The following KLKB1 variants were observed in gnomAD, a reference collection of about 807,000 sequenced individuals.
The protein encoded by KLKB1 is plasma kallikrein.
KLKB1 carries 58 observed loss-of-function variants against 73.6 expected under a neutral mutation model. That is an observed-to-expected ratio of 0.79 (90% CI 0.64 to 0.98). KLKB1 has a LOEUF of 0.98. Ranked by LOEUF, KLKB1 falls within the 50% of genes least tolerant of loss-of-function variation. The probability of loss-of-function intolerance (pLI) is 0.00; values close to 1 mark genes in which losing one functional copy is unlikely to be tolerated. For missense variants in KLKB1, 737 were observed against 763.8 expected, an observed-to-expected ratio of 0.96 and a Z score of 0.41; for synonymous variants, 280 against 258.1, an observed-to-expected ratio of 1.08 and a Z score of -0.81.
rs753653237 is a variant in KLKB1, at chr4:186,233,992, C to A, written c.262C>A (p.Pro88Thr). The change falls in exon 4 of 15, where the codon CCA becomes ACA. Residue 88 changes from proline to threonine, a missense_variant. Coordinates refer to ENST00000264690, the MANE Select transcript of KLKB1 (RefSeq NM_000892.5). ...FLKDSVTGTL[P>T]KVHRTGAVSG... Reference sequence around the variant, plus strand: ...GAAAGATAGTGTTACAGGAACCCTGCCAAAAGTACATCGAACAGGTGCAGT... The same window carrying A: ...GAAAGATAGTGTTACAGGAACCCTGACAAAAGTACATCGAACAGGTGCAGT... 2 of 1,614,004 alleles carry A rather than the reference C, an allele frequency of 1.2e-6. No individual in the cohort carries two copies. The highest frequency in any genetic ancestry group is 1.7e-5 in the Admixed American group (1 of 60,024).
upstream of KLKB1, among the ~76,000 whole-genome samples, chr4:186,225,006 C>G (rs74983441): frequency 1.3e-5 from 2 of 152,244 alleles, no homozygotes; most frequent in East Asian, 3.9e-4. Flanking sequence ...CACATACACA[C>G]TCTCTCTCTC....
chr4:186,237,200 G>T (rs1737741686), intron 5 of KLKB1, among the ~76,000 whole-genome samples: 1 of 152,110 alleles, frequency 6.6e-6, no homozygotes. Context: ...CCGGGTTCAA[G>T]CGATTCTCCT....
At chr4:186,236,744 A>T (rs1426990929) in intron 4 of KLKB1, 37 bp from the exon 5 acceptor site, 1 of 1,609,748 alleles carries the variant, frequency 6.2e-7, no homozygotes, top group Non-Finnish European at 8.5e-7. Context: ...TAGAAAGAAA[A>T]TGGACTGTAT....
Position 186,258,177 on chromosome 4 carries a change from A to T in KLKB1, c.1882A>T (p.Ser628Cys). Residue 628 changes from serine to cysteine, a missense_variant, in exon 15 of 15, where the codon AGT (serine) becomes TGT (cysteine). Physicochemically the swap from Ser to Cys is moderately radical, Grantham distance 112 (BLOSUM62 -1). Coordinates refer to ENST00000264690, the MANE Select transcript of KLKB1 (RefSeq NM_000892.5). ...CTGGATTTTAGAGAAAACACAGAGC[A>T]GTGATGGAAAAGCTCAGATGCAGTC... ...MDWILEKTQSSDGKAQMQSPA is the reference protein window; with the variant it reads ...MDWILEKTQSCDGKAQMQSPA The T allele has an allele frequency of 6.2e-7, 1 of 1,614,214 alleles. No individual in the cohort carries two copies. The highest frequency in any genetic ancestry group is 8.5e-7 in the Non-Finnish European group (1 of 1,180,046).
At chr4:186,233,105 G>A (rs1737484268) in intron 3 of KLKB1, among the ~76,000 whole-genome samples, 1 of 102,944 alleles carries the variant, frequency 9.7e-6, no homozygotes, top group South Asian at 2.5e-4. Context: ...AGTAGAGACG[G>A]GGTTTCACCA....
chr4:186,247,583 C>T lies in KLKB1; in HGVS notation c.599-2660C>T, dbSNP rs4253291. On this transcript the variant is annotated intron_variant, in intron 6 of 14. Transcript: ENST00000264690. The stretch of plus-strand genomic sequence containing the variant: ...TGTAGGCTTGGGCCCAGAGGCCTGA[C>T]ATTTAACATGGATAAATGTAAAGTT... Among the ~76,000 whole-genome samples, 717 of 152,314 alleles carry T rather than the reference C, an allele frequency of 4.7e-3. 2 individuals are homozygous for T. Among genetic ancestry groups the T allele is most frequent in the Middle Eastern group, 0.017 (5 of 294 alleles).
chr4:186,212,485 A>G (rs1408078132), intron 2 of KLKB1: 5 of 152,216 alleles, frequency 3.3e-5, no homozygotes, highest in African/African-American at 4.8e-5. Flanking sequence ...ACTTCATTTA[A>G]TAGTTTAAAC....
chr4:186,256,118 G>C, intron 13 of KLKB1, 31 bp downstream of exon 13: 2 of 1,383,536 alleles, frequency 1.4e-6, no homozygotes, highest in Non-Finnish European at 2.1e-6. Context: ...ATTGCTTCTA[G>C]AGTAAGTCTC....
At chr4:186,242,857 G>T (rs555050332) in intron 6 of KLKB1, among the ~76,000 whole-genome samples, 1 of 149,720 alleles carries the variant, frequency 6.7e-6, no homozygotes, top group African/African-American at 2.5e-5. Context: ...ATGGTGAGGG[G>T]TATGAAGGTT....
At chr4:186,250,555 G>T in intron 7 of KLKB1, 153 bp downstream of exon 7, 1 of 816,760 alleles carries the variant, frequency 1.2e-6, no homozygotes, top group South Asian at 1.4e-5. Flanking sequence ...GTACTGTTCT[G>T]CCAGGTGCAG....
intron 6 of KLKB1, among the ~76,000 whole-genome samples, chr4:186,248,750 A>G (rs1461054866): frequency 1.3e-5 from 2 of 152,186 alleles, no homozygotes; most frequent in African/African-American, 4.8e-5. Context: ...ATGAATTGCC[A>G]AACTGTTTTT....
intron 6 of KLKB1, among the ~76,000 whole-genome samples, chr4:186,246,946 A>C (rs1270393041): frequency 6.6e-6 from 1 of 152,230 alleles, no homozygotes; most frequent in Non-Finnish European, 1.5e-5. Context: ...TGTCTCTACC[A>C]GAAAATGAAA....
At chr4:186,252,326 T>A in intron 11 of KLKB1, 141 bp downstream of exon 11, 1 of 952,676 alleles carries the variant, frequency 1.0e-6, no homozygotes, top group Non-Finnish European at 1.6e-6. Flanking sequence ...ATTTAACTTA[T>A]AGGGTCCAAG....
upstream of KLKB1, among the ~76,000 whole-genome samples, chr4:186,221,986 G>T (rs1196299245): frequency 6.6e-6 from 1 of 152,084 alleles, no homozygotes; most frequent in Non-Finnish European, 1.5e-5. Flanking sequence ...TCCTCTTAAT[G>T]AATTCACCCT....
At chr4:186,233,819 T>G in intron 3 of KLKB1, 133 bp from the exon 4 acceptor site, 1 of 693,632 alleles carries the variant, frequency 1.4e-6, no homozygotes, top group East Asian at 2.7e-5. Flanking sequence ...GAGTGTTCTT[T>G]CCAGCAAGTA....
At chr4:186,255,541 A>T (rs543019625) in intron 12 of KLKB1, among the ~76,000 whole-genome samples, 1 of 152,312 alleles carries the variant, frequency 6.6e-6, no homozygotes, top group Non-Finnish European at 1.5e-5. Flanking sequence ...CACACAAACA[A>T]TTATGTGACC....
chr4:186,248,595 A>ATTTTTTTTTTTTTTTTTTTTTTTT (rs138717531), intron 6 of KLKB1, among the ~76,000 whole-genome samples: 8 of 114,908 alleles, frequency 7.0e-5, no homozygotes, highest in Non-Finnish European at 1.2e-4. Context: ...TTGTTTCTGG[A>ATTTTTTTTTTTTTTTTTTTTTTTT]TTTTTTTTTT....
chr4:186,238,170 G>T, intron 5 of KLKB1, 86 bp from the exon 6 acceptor site: 1 of 856,232 alleles, frequency 1.2e-6, no homozygotes, highest in South Asian at 1.4e-5. Flanking sequence ...TTTTTCCACT[G>T]TGCATTTTAA....
intron 6 of KLKB1, among the ~76,000 whole-genome samples, chr4:186,239,275 GA>G (rs1360873663): frequency 2.1e-5 from 3 of 140,620 alleles, no homozygotes; most frequent in African/African-American, 8.3e-5. Flanking sequence ...TATAGTTATA[GA>G]AAACTAGTAC....
Sources: allele counts gnomAD v4.1 joint callset (sites outside exome capture counted in the v4.1 genomes callset), GRCh38; gene constraint gnomAD v4.1.1; transcripts MANE v1.5; gene names NCBI Gene and HGNC (gene_info 2026-07-23, HGNC 2026-07-21).